The following NBR1 variants were observed in gnomAD, a reference collection of about 807,000 sequenced individuals.
NBR1 encodes NBR1 autophagy cargo receptor, also known as next to BRCA1 gene 1 protein.
A neutral mutation model predicts 115.5 loss-of-function variants in NBR1; 59 were observed. That is an observed-to-expected ratio of 0.51 (90% CI 0.41 to 0.63). The LOEUF (loss-of-function observed/expected upper bound fraction) is 0.63, where lower values mean the gene tolerates loss of function less well. Among genes scored for constraint, NBR1 ranks in the 30% least tolerant of loss-of-function variants. The pLI, the probability that NBR1 is intolerant of heterozygous loss-of-function variation, is 0.00. For synonymous variants in NBR1, 373 were observed against 414.7 expected, an observed-to-expected ratio of 0.90 and a Z score of 1.22; for missense variants, 1,043 against 1,150.5, an observed-to-expected ratio of 0.91 and a Z score of 1.35.
At chr17:43,192,071 A>G (rs1597991766) in intron 10 of NBR1, among the ~76,000 whole-genome samples, 1 of 118,354 alleles carries the variant, frequency 8.4e-6, no homozygotes. Context: ...CCCAGGCTGG[A>G]GTGCAGTGGC....
chr17:43,187,178 CTAT>C (rs2056824131), intron 6 of NBR1, among the ~76,000 whole-genome samples: 1 of 151,996 alleles, frequency 6.6e-6, no homozygotes, highest in African/African-American at 2.4e-5. Context: ...TCTCCAACAT[CTAT>C]TATTTCTTTT....
intron 1 of NBR1, among the ~76,000 whole-genome samples, chr17:43,173,781 C>A (rs1183567475): frequency 6.6e-6 from 1 of 152,276 alleles, no homozygotes; most frequent in Non-Finnish European, 1.5e-5. Flanking sequence ...GGAGGTATGT[C>A]TGGAAGCTAA....
At chr17:43,190,310 ATCC>A in intron 8 of NBR1, 1 of 394,330 alleles carries the variant, frequency 2.5e-6, no homozygotes, top group South Asian at 2.2e-5. Flanking sequence ...GACTCAAATG[ATCC>A]TCTTCTCCAT....
chr17:43,183,599 A>C (rs1008927966), intron 5 of NBR1, among the ~76,000 whole-genome samples: 2 of 152,216 alleles, frequency 1.3e-5, no homozygotes, highest in African/African-American at 2.4e-5. Flanking sequence ...CCCAGGCTCA[A>C]GCAGTTCTCC....
At chr17:43,183,592 A>G (rs2056728971) in intron 5 of NBR1, among the ~76,000 whole-genome samples, 1 of 152,082 alleles carries the variant, frequency 6.6e-6, no homozygotes, top group Admixed American at 6.6e-5. Flanking sequence ...TCAACGTCCC[A>G]GGCTCAAGCA....
chr17:43,188,056 A>G (rs1052135366), intron 6 of NBR1, among the ~76,000 whole-genome samples: 3 of 150,942 alleles, frequency 2.0e-5, no homozygotes, highest in Non-Finnish European at 4.4e-5. Context: ...ACGCCTAGCT[A>G]TTTTTTTGTA....
At chr17:43,209,856 T>C (rs2057383897) in intron 20 of NBR1, 45 bp from the exon 21 acceptor site, 13 of 1,462,150 alleles carry the variant, frequency 8.9e-6, no homozygotes, top group East Asian at 5.0e-5. Flanking sequence ...ATTTAAATTA[T>C]ACAGAATTTT....
In NBR1 at chr17:43,179,854, T is replaced by TA. The variant is rs543052423; in HGVS notation, c.184+446dup. Among the ~76,000 whole-genome samples the TA allele has an allele frequency of 6.6e-5, 10 of 152,312 alleles. No homozygotes were observed. In the East Asian group the frequency reaches 1.9e-3, roughly 29 times the overall value. On this transcript the variant is annotated intron_variant, in intron 4 of 20. Transcript: ENST00000590996. The stretch of plus-strand genomic sequence containing the variant: ...AAGATTAGTTTCCCACGATAGCCCC[T>TA]AAAATCTTAATTTAATCAGGTGAAA...
intron 20 of NBR1, chr17:43,209,614 G>A (rs1567871751): frequency 6.5e-7 from 1 of 1,535,526 alleles, no homozygotes; most frequent in Non-Finnish European, 8.7e-7. Context: ...CTTCCTGAAA[G>A]CCCCGAGTGA....
intron 1 of NBR1, among the ~76,000 whole-genome samples, chr17:43,172,896 G>C (rs780416902): frequency 2.0e-5 from 3 of 152,082 alleles, no homozygotes; most frequent in Non-Finnish European, 4.4e-5. Flanking sequence ...CGCGATCTTG[G>C]CTCACTGCAA....
Position 43,203,696 on chromosome 17 carries a change from C to A in NBR1, c.2637C>A (p.Ser879Arg). The A allele has an allele frequency of 6.2e-7, 1 of 1,608,808 alleles. No homozygotes were observed. The highest frequency in any genetic ancestry group is 8.5e-7 in the Non-Finnish European group (1 of 1,177,150). The part of the protein sequence containing the change: ...SYDHSRHHHG[S>R]SIAGGLVKGA... ...TCCTCTGCAGGCACCATCATGGGAG[C>A]AGCATTGCTGGAGGACTGGTGAAGG... Residue 879 changes from serine to arginine, a missense_variant, in exon 20 of 21, where the codon AGC becomes AGA. Transcript: ENST00000590996.
chr17:43,187,211 C>T (rs2056826582), intron 6 of NBR1, among the ~76,000 whole-genome samples: 1 of 152,136 alleles, frequency 6.6e-6, no homozygotes, highest in Non-Finnish European at 1.5e-5. Flanking sequence ...CGGAGTCTCA[C>T]TCTGTTGCCC....
At chr17:43,180,677 G>A (rs2154581993) in intron 4 of NBR1, 118 bp from the exon 5 acceptor site, 1 of 1,140,638 alleles carries the variant, frequency 8.8e-7, no homozygotes, top group South Asian at 2.3e-5. Context: ...TAATCTTATG[G>A]AATCTTTGGT....
At chr17:43,181,348 G>A (rs1362490884) in intron 5 of NBR1, among the ~76,000 whole-genome samples, 1 of 152,102 alleles carries the variant, frequency 6.6e-6, no homozygotes, top group African/African-American at 2.4e-5. Context: ...CTCTTTGCTG[G>A]TCTTTGTGCT....
chr17:43,191,421 T>A lies in NBR1; in HGVS notation c.913T>A (p.Leu305Met), dbSNP rs2056942816. The A allele has an allele frequency of 6.2e-7, 1 of 1,613,444 alleles. No homozygotes were observed. Among genetic ancestry groups the A allele is most frequent in the African/African-American group, 1.3e-5 (1 of 74,904 alleles). Residue 305 changes from leucine (L) to methionine (M), a missense_variant, in exon 10 of 21, where the codon TTG becomes ATG. Leu to Met is a conservative substitution (Grantham distance 15). Coordinates refer to ENST00000590996, the MANE Select transcript of NBR1 (RefSeq NM_005899.5). ...CTTTCTTAAAGCAGAAAAGCAAAGG[T>A]TGCGAGCTGAGAAGAAACAACGTAA... ...KNFLKAEKQR[L>M]RAEKKQRKAE...
At chr17:43,191,015 GC>G (rs1364452678) in intron 9 of NBR1, among the ~76,000 whole-genome samples, 1 of 152,200 alleles carries the variant, frequency 6.6e-6, no homozygotes, top group African/African-American at 2.4e-5. Flanking sequence ...AACTTGAGGG[GC>G]TAAGGTGGGA....
At chr17:43,179,560 G>A (rs1202885434) in intron 4 of NBR1, 148 bp downstream of exon 4, 5 of 759,090 alleles carry the variant, frequency 6.6e-6, no homozygotes, top group Non-Finnish European at 1.1e-5. Flanking sequence ...GGATTTTATT[G>A]TATAGCAGTT....
At chr17:43,179,118 G>T (rs560558312) in intron 3 of NBR1, among the ~76,000 whole-genome samples, 2 of 152,186 alleles carry the variant, frequency 1.3e-5, no homozygotes, top group Admixed American at 1.3e-4. Flanking sequence ...CAAAAACTTG[G>T]AAGTAGTAAA....
At chr17:43,195,092 A>G (rs1311637621) in intron 14 of NBR1, 53 bp downstream of exon 14, 1 of 1,388,820 alleles carries the variant, frequency 7.2e-7, no homozygotes, top group African/African-American at 1.4e-5. Flanking sequence ...GCACAAAAGT[A>G]CCACAGCCTA....
Sources: allele counts gnomAD v4.1 joint callset (sites outside exome capture counted in the v4.1 genomes callset), GRCh38; gene constraint gnomAD v4.1.1; transcripts MANE v1.5; gene names NCBI Gene and HGNC (gene_info 2026-07-23, HGNC 2026-07-21).